FAM161A: variants seen among roughly 807,000 people sequenced by gnomAD.
The protein encoded by FAM161A is FAM161 centrosomal protein A.
A neutral mutation model predicts 70.9 loss-of-function variants in FAM161A; 57 were observed. That is an observed-to-expected ratio of 0.80 (90% CI 0.65 to 1.00). The LOEUF (loss-of-function observed/expected upper bound fraction) is 1.00. FAM161A is among the 50% of genes least tolerant of loss of function. The probability of loss-of-function intolerance (pLI) is 0.00; values close to 1 mark genes in which losing one functional copy is unlikely to be tolerated. For synonymous variants in FAM161A, 299 were observed against 295.7 expected, an observed-to-expected ratio of 1.01 and a Z score of -0.12; for missense variants, 880 against 836.0, an observed-to-expected ratio of 1.05 and a Z score of -0.65.
chr2:61,803,518 A>G, the FAM161A span: 1 of 512,662 alleles, frequency 2.0e-6, no homozygotes, highest in Non-Finnish European at 3.6e-6. Flanking sequence ...AGGATTTTTC[A>G]CAATAAGATT....
the FAM161A span, chr2:61,803,182 C>T: frequency 9.5e-6 from 5 of 528,704 alleles, no homozygotes; most frequent in Non-Finnish European, 1.4e-5. Flanking sequence ...GGCAACAGTG[C>T]CTAAGACAGA....
chr2:61,849,476 C>CAAAATA (rs1005777151), intron 1 of FAM161A, among the ~76,000 whole-genome samples: 2 of 151,302 alleles, frequency 1.3e-5, no homozygotes, highest in Non-Finnish European at 2.9e-5. Context: ...CTTTATTTTA[C>CAAAATA]AAAATAAAAA....
chr2:61,806,972 G>A, the FAM161A span, among the ~76,000 whole-genome samples: 3 of 152,048 alleles, frequency 2.0e-5, no homozygotes, highest in East Asian at 1.9e-4. Context: ...GATTACAGGC[G>A]TGAGCCACCA....
chr2:61,822,201 C>A (rs1313273384), downstream of FAM161A, among the ~76,000 whole-genome samples: 1 of 151,952 alleles, frequency 6.6e-6, no homozygotes, highest in African/African-American at 2.4e-5. Flanking sequence ...GAAGCCAAGG[C>A]AGGAGGATCA....
intron 5 of FAM161A, among the ~76,000 whole-genome samples, chr2:61,834,825 T>A (rs569699929): frequency 1.1e-3 from 172 of 151,536 alleles, no homozygotes; most frequent in African/African-American, 1.5e-3. Context: ...GTTGAAAAAA[T>A]AAATAAATAA....
the FAM161A span, among the ~76,000 whole-genome samples, chr2:61,817,117 G>A: frequency 9.4e-4 from 143 of 152,114 alleles, no homozygotes; most frequent in Admixed American, 4.5e-3. Flanking sequence ...ATCCATTCTC[G>A]GTCAGATGGC....
In FAM161A at chr2:61,839,290, T is replaced by C. The variant is rs1653203685; in HGVS notation, c.1583+131A>G. On this transcript the variant is annotated intron_variant, in intron 3 of 6. Coordinates refer to ENST00000404929, the MANE Select transcript of FAM161A (RefSeq NM_001201543.2). ...CCCTCTGACAAAATATCATATATTATATAGTAAAATATCTTATAGATACAA... is the reference window on the plus strand; with the variant it reads ...CCCTCTGACAAAATATCATATATTACATAGTAAAATATCTTATAGATACAA... 29 of 768,862 alleles carry C rather than the reference T, an allele frequency of 3.8e-5. 2 individuals carry two copies. In the South Asian group the frequency reaches 4.6e-4, roughly 12 times the overall value. 47.6% of individuals were successfully genotyped at this position (768,862 alleles called of 1,614,324 possible).
the FAM161A span, among the ~76,000 whole-genome samples, chr2:61,804,635 A>G: frequency 6.6e-6 from 1 of 151,780 alleles, no homozygotes; most frequent in Non-Finnish European, 1.5e-5. Flanking sequence ...CAGTGAGCCA[A>G]CATTGCAACA....
chr2:61,821,683 C>CA (rs1672206129), downstream of FAM161A, among the ~76,000 whole-genome samples: 1 of 152,108 alleles, frequency 6.6e-6, no homozygotes, highest in South Asian at 2.1e-4. Context: ...TTTCCCACCT[C>CA]AGCCTTCCAA....
the FAM161A span, chr2:61,803,000 T>C: frequency 5.7e-6 from 1 of 176,274 alleles, no homozygotes; most frequent in Non-Finnish European, 1.2e-5. Flanking sequence ...CTGGGATGTT[T>C]TGTTCTCTAT....
chr2:61,840,133 C>T lies in FAM161A; in HGVS notation c.871G>A (p.Val291Ile). ...AAATCATGGTAAAGGGGGAGAAAGA[C>T]AGATGCAGGAACTGGATTGGCTCGG... ...KFRANPVPAS[V>I]FLPLYHDLVK... is the part of the protein sequence containing the mutation. The change falls in exon 3 of 7, where the codon GTC becomes ATC. Residue 291 changes from valine to isoleucine, a missense_variant. Transcript: ENST00000404929. 6.2e-7 allele frequency: 1 copy of T among 1,614,166 alleles called. No individual in the cohort carries two copies. The highest frequency in any genetic ancestry group is 8.5e-7 in the Non-Finnish European group (1 of 1,180,038).
rs777678039 is a variant in FAM161A at position 61,836,040 on chromosome 2, C to G, written c.1821G>C (p.Lys607Asn). ...CAACTCTTTCAAATAGCAGTGGCCTCTTTTTTAATTTTTCTTCTCTTTCTT... is the reference window on the plus strand; with the variant it reads ...CAACTCTTTCAAATAGCAGTGGCCTGTTTTTTAATTTTTCTTCTCTTTCTT... Reference protein sequence around the residue: ...ELEEREEKLKKRPLLFERVAQ... With the variant: ...ELEEREEKLKNRPLLFERVAQ... Residue 607 changes from lysine to asparagine, a missense_variant, in exon 5 of 7, where the codon AAG becomes AAC. Transcript: ENST00000404929. 4 of 1,609,758 alleles carry G rather than the reference C, an allele frequency of 2.5e-6. No individual in the cohort carries two copies. The Admixed American group carries it at 5.0e-5, about 20-fold the overall frequency.
chr2:61,813,573 G>A, the FAM161A span, among the ~76,000 whole-genome samples: 23 of 142,360 alleles, frequency 1.6e-4, no homozygotes, highest in African/African-American at 5.4e-4. Context: ...AAAAAAAAGA[G>A]CCAGATGTGG....
intron 2 of FAM161A, among the ~76,000 whole-genome samples, chr2:61,841,748 G>A (rs968580793): frequency 2.0e-5 from 3 of 152,178 alleles, no homozygotes; most frequent in Non-Finnish European, 2.9e-5. Context: ...TCAGATTCAT[G>A]TCTCCTAGTC....
chr2:61,824,647 G>A (rs907554408), downstream of FAM161A, among the ~76,000 whole-genome samples: 14 of 152,016 alleles, frequency 9.2e-5, no homozygotes, highest in African/African-American at 3.1e-4. Context: ...GAAGCCAAGT[G>A]TTTCATGACC....
intron 1 of FAM161A, among the ~76,000 whole-genome samples, chr2:61,845,855 GA>G (rs1673189440): frequency 6.6e-6 from 1 of 152,026 alleles, no homozygotes; most frequent in African/African-American, 2.4e-5. Context: ...TTGGGAGGCT[GA>G]GGTGGGTGGA....
intron 4 of FAM161A, 97 bp from the exon 5 acceptor site, chr2:61,836,206 T>A (rs1450514655): frequency 2.2e-6 from 2 of 913,266 alleles, no homozygotes; most frequent in South Asian, 1.4e-5. Flanking sequence ...ACAAAGTCAA[T>A]GAAAAAAAAG....
Position 61,840,088 on chromosome 2 carries a change from G to A in FAM161A, c.916C>T (p.Arg306Trp), listed in dbSNP as rs183615774. The A allele has an allele frequency of 8.0e-5, 129 of 1,614,072 alleles. No individual in the cohort carries two copies. In the East Asian group the frequency reaches 1.7e-3, roughly 21 times the overall value. The change falls in exon 3 of 7, where the codon CGG becomes TGG. Residue 306 changes from arginine (R) to tryptophan (W), a missense_variant. Arg to Trp is a moderately radical substitution (Grantham distance 101). Coordinates refer to ENST00000404929, the MANE Select transcript of FAM161A (RefSeq NM_001201543.2). ...YHDLVKQKEERRRSLKEKSKE... is the reference protein window; with the variant it reads ...YHDLVKQKEEWRRSLKEKSKE... ...CTTTTCTCCTTCAGAGACCTTCTCC[G>A]TTCTTCTTTTTGCTTGACTAAATCA...
intron 1 of FAM161A, among the ~76,000 whole-genome samples, chr2:61,852,944 T>A (rs1673547247): frequency 1.4e-5 from 2 of 147,336 alleles, no homozygotes; most frequent in South Asian, 4.4e-4. Flanking sequence ...CCATCTTTTT[T>A]TTTTTTTTTT....
Sources: gnomAD v4.1 joint callset for allele counts (sites outside exome capture counted in the v4.1 genomes callset) on GRCh38, gnomAD v4.1.1 for gene constraint, MANE v1.5 for transcripts, NCBI Gene and HGNC (gene_info 2026-07-23, HGNC 2026-07-21) for gene names.